Variants in PHIP observed in about 807,000 individuals in gnomAD.
PHIP encodes the protein PH-interacting protein.
In PHIP, 54 loss-of-function variants were observed where a neutral mutation model predicts 236.8. The ratio of observed to expected loss-of-function variants is 0.23; its 90% confidence interval spans 0.18 to 0.29. The LOEUF is 0.29. Ranked by LOEUF, PHIP falls within the 10% of genes least tolerant of loss-of-function variation. PHIP has a pLI of 1.00. For missense variants in PHIP, 1,370 were observed against 2,190.8 expected (o/e 0.63, Z 7.48); for synonymous variants, 756 against 718.9 (o/e 1.05, Z -0.83).
chr6:78,999,080 TTAGA>T (rs1769825125), intron 17 of PHIP, among the ~76,000 whole-genome samples: 1 of 152,120 alleles, frequency 6.6e-6, no homozygotes, highest in Admixed American at 6.6e-5. Flanking sequence ...GAGATTTAAA[TTAGA>T]TAGCCACATA....
chr6:79,001,856 TG>T, intron 17 of PHIP, 42 bp downstream of exon 17: 1 of 1,284,870 alleles, frequency 7.8e-7, no homozygotes, highest in Non-Finnish European at 1.1e-6. Flanking sequence ...AACAGTTCGG[TG>T]GGAAGAAGAA....
chr6:79,019,503 G>C (rs747087694), intron 9 of PHIP, among the ~76,000 whole-genome samples: 17 of 151,990 alleles, frequency 1.1e-4, no homozygotes, highest in Non-Finnish European at 2.5e-4. Context: ...AACATATAAG[G>C]AACTAAGCTA....
rs1053273475 is a variant in PHIP at position 78,983,206 on chromosome 6, G to C, written c.2538-89C>G. 7 of 651,932 alleles carry C rather than the reference G, an allele frequency of 1.1e-5. No individual in the cohort carries two copies. In the Admixed American group the frequency reaches 1.5e-4, roughly 14 times the overall value. 40.4% of individuals were successfully genotyped at this position (651,932 alleles called of 1,614,324 possible). A position where few individuals can be genotyped will look rare whatever the true frequency, so the allele number is the denominator to read the frequency against. ...AAACGAAAAGAAAGATTATAATAAA[G>C]AGAAATGACAGAACAAATACTTAAA... On this transcript the variant is annotated intron_variant, in intron 22 of 39. Coordinates refer to ENST00000275034, the MANE Select transcript of PHIP (RefSeq NM_017934.7).
intron 24 of PHIP, among the ~76,000 whole-genome samples, chr6:78,973,045 C>A (rs555892122): frequency 1.9e-4 from 29 of 152,090 alleles, no homozygotes; most frequent in African/African-American, 6.7e-4. Context: ...AGATACTCCT[C>A]GAGAAGAGCA....
Position 78,935,144 on chromosome 6 carries a change from C to A in PHIP, c.*5549G>T, listed in dbSNP as rs1180665790. On this transcript the variant is annotated 3_prime_UTR_variant, in exon 40 of 40. Transcript: ENST00000275034. Reference sequence around the variant, plus strand: ...GAAAGGTAATTTTTCTTGGCTGGTTCTTCTAAGTATATACTAGGTATTGTT... The same window carrying A: ...GAAAGGTAATTTTTCTTGGCTGGTTATTCTAAGTATATACTAGGTATTGTT... Among the ~76,000 whole-genome samples the A allele has an allele frequency of 6.6e-6, 1 of 152,012 alleles. No individual in the cohort carries two copies. Among genetic ancestry groups the A allele is most frequent in the Non-Finnish European group, 1.5e-5 (1 of 67,980 alleles).
At chr6:79,068,538 G>A (rs1215044216) in intron 4 of PHIP, among the ~76,000 whole-genome samples, 1 of 152,280 alleles carries the variant, frequency 6.6e-6, no homozygotes, top group Non-Finnish European at 1.5e-5. Context: ...TGCTAAGGCT[G>A]AGGGTGGGAA....
intron 7 of PHIP, among the ~76,000 whole-genome samples, chr6:79,037,947 T>C (rs892008481): frequency 1.3e-5 from 2 of 152,186 alleles, no homozygotes; most frequent in South Asian, 2.1e-4. Flanking sequence ...GGCAATGTAA[T>C]AGGAAAATAC....
chr6:78,978,383 A>C (rs1768265070), intron 24 of PHIP, among the ~76,000 whole-genome samples: 1 of 152,114 alleles, frequency 6.6e-6, no homozygotes, highest in African/African-American at 2.4e-5. Context: ...CAAAATTTTC[A>C]TTCTTATAAT....
At chr6:78,959,038 C>T (rs1264028361) in intron 31 of PHIP, among the ~76,000 whole-genome samples, 2 of 151,956 alleles carry the variant, frequency 1.3e-5, no homozygotes, top group Non-Finnish European at 2.9e-5. Flanking sequence ...ATGACATATA[C>T]AAATGAGAAG....
intron 7 of PHIP, among the ~76,000 whole-genome samples, chr6:79,036,693 G>A (rs1347721799): frequency 2.6e-5 from 4 of 151,882 alleles, no homozygotes; most frequent in Non-Finnish European, 4.4e-5. Flanking sequence ...AGGCCGAGGC[G>A]GGTAGATCAT....
chr6:78,962,007 C>G (rs1766811946), intron 30 of PHIP, among the ~76,000 whole-genome samples, 197 bp from the exon 31 acceptor site: 2 of 152,022 alleles, frequency 1.3e-5, no homozygotes, highest in Admixed American at 1.3e-4. Context: ...CTGCCAAATT[C>G]TAGGGGTATT....
rs975606164 is a variant in PHIP at position 78,958,491 on chromosome 6, G to A, written c.3766C>T (p.Leu1256Phe). The A allele has an allele frequency of 6.5e-7, 1 of 1,535,136 alleles. No homozygotes were observed. The highest frequency in any genetic ancestry group is 1.4e-5 in the African/African-American group (1 of 73,252). The change falls in exon 32 of 40, where the codon CTT becomes TTT. Residue 1256 changes from leucine (L) to phenylalanine (F), a missense_variant. Leu to Phe is a conservative substitution (Grantham distance 22, BLOSUM62 0). Around this residue, in one of 14 missense-constraint regions of PHIP, gnomAD observed 38 missense variants for 27.6 expected, o/e 1.38. Transcript: ENST00000275034. ...VKSAKFVTDLLLHFIKDQTCY... is the reference protein window; with the variant it reads ...VKSAKFVTDLFLHFIKDQTCY... ...ATAACTTACTTTATAAAATGTAGAA[G>A]AAGATCAGTCACGAATTTAGCAGAT... is the stretch of plus-strand genomic sequence containing the variant.
At position 78,946,101 on chromosome 6, in the gene PHIP, T is replaced by G. The variant is rs954690133; in HGVS notation, c.4530A>C (p.Arg1510=). The change falls in exon 38 of 40, where the codon CGA becomes CGC. Residue 1510 remains arginine (R), a synonymous_variant. Coordinates refer to ENST00000275034, the MANE Select transcript of PHIP (RefSeq NM_017934.7). ...CAGTGACAACTGGATCTACAACCACTCGGTTGCTTCTGGTTCGAACCACAG... is the reference window on the plus strand; with the variant it reads ...CAGTGACAACTGGATCTACAACCACGCGGTTGCTTCTGGTTCGAACCACAG... ...SSSVVRTRSN[R]VVVDPVVTEQ... 6.2e-7 allele frequency: 1 copy of G among 1,613,604 alleles called. No individual in the cohort carries two copies. The highest frequency in any genetic ancestry group is 1.3e-5 in the African/African-American group (1 of 74,922).
At chr6:79,027,871 T>C (rs971202913) in intron 7 of PHIP, among the ~76,000 whole-genome samples, 1 of 152,124 alleles carries the variant, frequency 6.6e-6, no homozygotes, top group Admixed American at 6.5e-5. Flanking sequence ...ACATGTTACA[T>C]ACACTTCTTG....
intron 7 of PHIP, among the ~76,000 whole-genome samples, chr6:79,034,911 C>T (rs981524618): frequency 9.9e-5 from 15 of 152,072 alleles, no homozygotes; most frequent in Non-Finnish European, 1.5e-4. Context: ...TTTGAGTGTG[C>T]GGGATGGCAA....
At chr6:78,969,956 C>T (rs955872415) in intron 26 of PHIP, 39 bp from the exon 27 acceptor site, 2 of 1,567,770 alleles carry the variant, frequency 1.3e-6, no homozygotes, top group African/African-American at 2.7e-5. Context: ...GGTCACATAC[C>T]TAAAAATACC....
intron 4 of PHIP, chr6:79,067,554 T>C (rs951492091): frequency 6.6e-6 from 1 of 152,236 alleles, no homozygotes; most frequent in African/African-American, 2.4e-5. Context: ...TAATATACTA[T>C]CTCCATTGCA....
rs1009457018 is a variant in PHIP, at chr6:79,013,793, A to T, written c.1524+1289T>A. 1.3e-5 allele frequency among the ~76,000 whole-genome samples: 2 copies of T among 151,832 alleles called. 1 individual carries two copies. Among genetic ancestry groups the T allele is most frequent in the Non-Finnish European group, 3.0e-5 (2 of 67,690 alleles). ...TAATAATGTCCTTTGGAAATACAAA[A>T]CTACTAAATGAAGCCACTAGTATAT... is the stretch of plus-strand genomic sequence containing the variant. On this transcript the variant is annotated intron_variant, in intron 15 of 39. Coordinates refer to ENST00000275034, the MANE Select transcript of PHIP (RefSeq NM_017934.7).
chr6:79,073,445 TACAC>T (rs1461814553), intron 4 of PHIP, among the ~76,000 whole-genome samples: 2 of 152,206 alleles, frequency 1.3e-5, no homozygotes, highest in South Asian at 4.1e-4. Context: ...CTACTACAAC[TACAC>T]ACATTTACTT....
Sources: allele counts gnomAD v4.1 joint callset (sites outside exome capture counted in the v4.1 genomes callset), GRCh38; gene constraint gnomAD v4.1.1; regional missense constraint gnomAD v4.1.1; transcripts MANE v1.5; gene names NCBI Gene and HGNC (gene_info 2026-07-23, HGNC 2026-07-21).